GPR34: variants seen among roughly 807,000 people sequenced by gnomAD.
GPR34 encodes probable G protein-coupled receptor 34.
GPR34 carries 3 observed loss-of-function variants against 14.1 expected under a neutral mutation model. The observed-to-expected ratio is 0.21, with a 90% CI of 0.10 to 0.55. The LOEUF (loss-of-function observed/expected upper bound fraction) is 0.55, where lower values mean the gene tolerates loss of function less well. Among genes scored for constraint, GPR34 ranks in the 20% least tolerant of loss-of-function variants. GPR34 has a pLI of 0.94. For synonymous variants in GPR34, 99 were observed against 99.9 expected (o/e 0.99, Z 0.05); for missense variants, 213 against 292.8 (o/e 0.73, Z 1.99).
intron 2 of GPR34, 56 bp from the exon 3 acceptor site, chrX:41,695,499 T>C: frequency 2.1e-6 from 1 of 469,417 alleles, no homozygotes; most frequent in South Asian, 3.7e-5. Flanking sequence ...ACACTTTTAG[T>C]TAAAGTAACT....
chrX:41,694,748 G>A (rs1046759189), intron 2 of GPR34, among the ~76,000 whole-genome samples: 9 of 111,706 alleles, frequency 8.1e-5, no homozygotes, highest in Non-Finnish European at 1.7e-4. Context: ...GTGTAACCTT[G>A]CAGGTGCTGT....
Position 41,696,662 on chromosome X carries a change from T to C in GPR34, c.1029T>C (p.Phe343=), listed in dbSNP as rs773951356. 3.3e-6 allele frequency: 4 copies of C among 1,210,489 alleles called. No homozygotes were observed. The Admixed American group carries it at 8.7e-5, about 26-fold the overall frequency. ...GCAAAATAATGTGCCAACTTCTTTT[T>C]AGACGATTTCAAGGTGAACCAAGTA... ...NIRKIMCQLL[F]RRFQGEPSRS... Residue 343 remains phenylalanine (F), a synonymous_variant, in exon 3 of 3, where the codon TTT becomes TTC. Coordinates refer to ENST00000378142, the MANE Select transcript of GPR34 (RefSeq NM_001097579.2).
Position 41,696,651 on chromosome X carries a change from C to A in GPR34, c.1018C>A (p.Gln340Lys). The change falls in exon 3 of 3, where the codon CAA becomes AAA. Residue 340 changes from glutamine (Q) to lysine (K), a missense_variant. By Grantham distance (53) the Gln-to-Lys change is moderately conservative (BLOSUM62 1). Transcript: ENST00000378142. ...MSSNIRKIMC[Q>K]LLFRRFQGEP... is the part of the protein sequence containing the mutation. ...CAGTAACATTCGCAAAATAATGTGC[C>A]AACTTCTTTTTAGACGATTTCAAGG... 8.3e-7 allele frequency: 1 copy of A among 1,210,141 alleles called. No individual in the cohort carries two copies. The highest frequency in any genetic ancestry group is 1.8e-5 in the South Asian group (1 of 56,924).
chrX:41,694,354 G>A (rs2067638550), intron 2 of GPR34, among the ~76,000 whole-genome samples: 2 of 111,894 alleles, frequency 1.8e-5, no homozygotes, highest in African/African-American at 6.5e-5. Flanking sequence ...GGCTGCTGTA[G>A]AGAAATAGGG....
At chrX:41,692,835 T>C (rs2067598938) in intron 2 of GPR34, among the ~76,000 whole-genome samples, 1 of 112,120 alleles carries the variant, frequency 8.9e-6, no homozygotes, top group African/African-American at 3.2e-5. Context: ...GGGTTTTTCG[T>C]TGCCACCACA....
intron 2 of GPR34, among the ~76,000 whole-genome samples, chrX:41,691,652 T>A (rs975705181): frequency 9.7e-6 from 1 of 103,269 alleles, no homozygotes; most frequent in Admixed American, 1.0e-4. Context: ...AGGTCAGGAG[T>A]TCAAGACCAG....
In GPR34 at chrX:41,695,857, C is replaced by T. The variant is rs375417033; in HGVS notation, c.224C>T (p.Ala75Val). 5 of 1,205,555 alleles carry T rather than the reference C, an allele frequency of 4.1e-6. No individual in the cohort carries two copies. The highest frequency in any genetic ancestry group is 3.0e-5 in the East Asian group (1 of 33,827). The change falls in exon 3 of 3, where the codon GCC becomes GTC. Residue 75 changes from alanine to valine, a missense_variant. Physicochemically the swap from Ala to Val is moderately conservative, Grantham distance 64. Coordinates refer to ENST00000378142, the MANE Select transcript of GPR34 (RefSeq NM_001097579.2). ...FIVGLVGNIIALYVFLGIHRK... is the reference protein window; with the variant it reads ...FIVGLVGNIIVLYVFLGIHRK... ...GTGGGACTGGTTGGGAACATAATCG[C>T]CCTCTATGTATTTCTGGGTATTCAC...
Position 41,695,924 on chromosome X carries a change from C to A in GPR34, c.291C>A (p.Ala97=). The change falls in exon 3 of 3, where the codon GCC becomes GCA. Residue 97 remains alanine, a synonymous_variant. Transcript: ENST00000378142. The stretch of plus-strand genomic sequence containing the variant: ...TTCAAATTTATCTACTTAACGTAGC[C>A]ATTGCAGACCTCCTACTCATCTTCT... The part of the protein sequence containing the change: ...NSIQIYLLNV[A]IADLLLIFCL... The A allele has an allele frequency of 8.3e-7, 1 of 1,205,604 alleles. No individual in the cohort carries two copies. Among genetic ancestry groups the A allele is most frequent in the Non-Finnish European group, 1.1e-6 (1 of 890,311 alleles).
chrX:41,692,705 T>C (rs5964035), intron 2 of GPR34, among the ~76,000 whole-genome samples: 1 of 112,189 alleles, frequency 8.9e-6, no homozygotes, highest in Non-Finnish European at 1.9e-5. Context: ...CTTTTCTAAG[T>C]GTGCTGCTGT....
Position 41,690,679 on chromosome X carries a change from G to A in GPR34, c.-80+844G>A, listed in dbSNP as rs764880709. Among the ~76,000 whole-genome samples, 237 of 94,891 alleles carry A rather than the reference G, an allele frequency of 2.5e-3. 1 individual carries two copies. The highest frequency in any genetic ancestry group is 0.014 in the South Asian group (27 of 1,985). The allele number at this position is 94,891 out of a possible 115,157, so 82.4% of individuals were successfully genotyped here. On this transcript the variant is annotated intron_variant, in intron 2 of 2. Coordinates refer to ENST00000378142, the MANE Select transcript of GPR34 (RefSeq NM_001097579.2). ...CCCGGCCAATTTTTTTTTTTTTTATGTTCTTTTTTTTTGAGACAAGGTCTT... is the reference window on the plus strand; with the variant it reads ...CCCGGCCAATTTTTTTTTTTTTTATATTCTTTTTTTTTGAGACAAGGTCTT...
In GPR34 at chrX:41,696,225, G is replaced by A. The variant is rs1297575396; in HGVS notation, c.592G>A (p.Gly198Arg). Reference protein sequence around the residue: ...TMIILTLKKGGHNSTMCFHYR... With the variant: ...TMIILTLKKGRHNSTMCFHYR... ...GATTATTTTAACACTTAAGAAAGGA[G>A]GGCATAATTCCACAATGTGTTTCCA... The change falls in exon 3 of 3, where the codon GGG (glycine) becomes AGG (arginine). Residue 198 changes from glycine to arginine, a missense_variant. Transcript: ENST00000378142. 4.1e-6 allele frequency: 5 copies of A among 1,207,199 alleles called. No individual in the cohort carries two copies. The highest frequency in any genetic ancestry group is 5.6e-6 in the Non-Finnish European group (5 of 892,200).
At position 41,696,875 on chromosome X, in the gene GPR34, G is replaced by A. The variant is rs1355481462; in HGVS notation, c.*96G>A. ...AAAGTTCTAGCATTTACAAAACTCA[G>A]ATCTCAAAGCTCTGCTTGTATTTGT... On this transcript the variant is annotated 3_prime_UTR_variant, in exon 3 of 3. Transcript: ENST00000378142. 1 of 514,128 alleles carries A rather than the reference G, an allele frequency of 1.9e-6. No homozygotes were observed. The highest frequency in any genetic ancestry group is 2.4e-5 in the African/African-American group (1 of 42,026). The allele number at this position is 514,128 out of a possible 1,213,427, so 42.4% of individuals were successfully genotyped here. A position where few individuals can be genotyped will look rare whatever the true frequency, so the allele number is the denominator to read the frequency against.
rs777875030 is a variant in GPR34, at chrX:41,695,732, G to A, written c.99G>A (p.Pro33=). ...TTATAACCAATCATAGCGACCAACC[G>A]CCACAAAACTTCTCAGCAACACCAA... ...MRFITNHSDQ[P]PQNFSATPNV... Residue 33 remains proline (P), a synonymous_variant, in exon 3 of 3, where the codon CCG becomes CCA. Coordinates refer to ENST00000378142, the MANE Select transcript of GPR34 (RefSeq NM_001097579.2). The A allele has an allele frequency of 2.1e-5, 25 of 1,205,559 alleles. No homozygotes were observed. The Admixed American group carries it at 3.7e-4, about 18-fold the overall frequency.
rs1286764778 is a variant in GPR34 at position 41,692,727 on chromosome X, T to C, written c.-79-2828T>C. The stretch of plus-strand genomic sequence containing the variant: ...AAGTGTGCTGCTGTGGATCAAACAC[T>C]GCATTCCAGGTGAGACCCTACCAGC... On this transcript the variant is annotated intron_variant, in intron 2 of 2. Coordinates refer to ENST00000378142, the MANE Select transcript of GPR34 (RefSeq NM_001097579.2). Among the ~76,000 whole-genome samples, 20 of 112,211 alleles carry C rather than the reference T, an allele frequency of 1.8e-4. No individual in the cohort carries two copies. The Admixed American group carries it at 1.9e-3, about 11-fold the overall frequency.
At chrX:41,690,720 C>T (rs1333827963) in intron 2 of GPR34, among the ~76,000 whole-genome samples, 2 of 105,706 alleles carry the variant, frequency 1.9e-5, no homozygotes, top group African/African-American at 3.5e-5. Context: ...GTCACCCAGG[C>T]TGGAGTACAG....
At chrX:41,691,840 CAAAAA>C (rs397895684) in intron 2 of GPR34, among the ~76,000 whole-genome samples, 9 of 28,483 alleles carry the variant, frequency 3.2e-4, no homozygotes, top group Non-Finnish European at 4.5e-4. Flanking sequence ...GACTCTGTCT[CAAAAA>C]AAAAAAAAAA....
chrX:41,690,525 T>G (rs1316871449), intron 2 of GPR34, among the ~76,000 whole-genome samples: 2 of 105,992 alleles, frequency 1.9e-5, no homozygotes, highest in Non-Finnish European at 3.9e-5. Context: ...TTTTTTTTTT[T>G]TTTTTGGTAT....
chrX:41,692,132 T>C (rs1192548606), intron 2 of GPR34, among the ~76,000 whole-genome samples: 3 of 111,824 alleles, frequency 2.7e-5, no homozygotes, highest in Non-Finnish European at 3.8e-5. Flanking sequence ...GTAAAGGAAG[T>C]AATATAAATG....
At chrX:41,693,897 C>A (rs976263202) in intron 2 of GPR34, among the ~76,000 whole-genome samples, 2 of 111,809 alleles carry the variant, frequency 1.8e-5, no homozygotes, top group East Asian at 2.8e-4. Context: ...CTTAATGTTA[C>A]CCTCTACCAA....
Sources: gnomAD v4.1 joint callset for allele counts (sites outside exome capture counted in the v4.1 genomes callset) on GRCh38, gnomAD v4.1.1 for gene constraint, MANE v1.5 for transcripts, NCBI Gene and HGNC (gene_info 2026-07-23, HGNC 2026-07-21) for gene names.